The following GPHN variants were observed in gnomAD, a reference collection of about 807,000 sequenced individuals.
The protein encoded by GPHN is gephyrin.
Under a neutral mutation model 95.5 loss-of-function variants are expected in GPHN, and 17 were observed. That is an observed-to-expected ratio of 0.18 (90% CI 0.12 to 0.27). GPHN has a LOEUF of 0.27. GPHN is among the 10% of genes least tolerant of loss of function. The pLI is 1.00. For synonymous variants in GPHN, 320 were observed against 322.5 expected, an observed-to-expected ratio of 0.99 and a Z score of 0.08; for missense variants, 660 against 978.1, an observed-to-expected ratio of 0.67 and a Z score of 4.34.
At chr14:66,596,238 A>G (rs1206626685) in intron 1 of GPHN, among the ~76,000 whole-genome samples, 2 of 152,050 alleles carry the variant, frequency 1.3e-5, no homozygotes, top group Non-Finnish European at 2.9e-5. Flanking sequence ...TGATTGGTCC[A>G]TGGAAAGCCA....
chr14:66,974,761 T>C (rs2070099010), intron 9 of GPHN, among the ~76,000 whole-genome samples: 1 of 152,166 alleles, frequency 6.6e-6, no homozygotes, highest in African/African-American at 2.4e-5. Context: ...TTCTCTTATG[T>C]TTTTCTATGC....
the GPHN span, chr14:67,729,200 T>G: frequency 6.2e-7 from 1 of 1,612,634 alleles, no homozygotes; most frequent in Non-Finnish European, 8.5e-7. Flanking sequence ...GGCACCGGGG[T>G]CACCACCTAC....
intron 2 of GPHN, among the ~76,000 whole-genome samples, chr14:66,688,099 A>G (rs1429718982): frequency 2.0e-5 from 3 of 152,254 alleles, no homozygotes; most frequent in Non-Finnish European, 2.9e-5. Context: ...TACGTATTAC[A>G]TACTGTATTC....
At chr14:66,586,324 G>C (rs1443152270) in intron 1 of GPHN, among the ~76,000 whole-genome samples, 1 of 152,120 alleles carries the variant, frequency 6.6e-6, no homozygotes, top group African/African-American at 2.4e-5. Context: ...ACACTGATGG[G>C]TCTTGACTCT....
intron 1 of GPHN, among the ~76,000 whole-genome samples, chr14:66,610,526 G>A (rs1454168623): frequency 6.6e-6 from 1 of 152,088 alleles, no homozygotes; most frequent in Non-Finnish European, 1.5e-5. Flanking sequence ...CTTCCTGGCT[G>A]TGTCTAGTCA....
chr14:67,458,268 G>A, the GPHN span, among the ~76,000 whole-genome samples: 5 of 152,290 alleles, frequency 3.3e-5, no homozygotes, highest in African/African-American at 9.6e-5. Context: ...GCTGGAGTGT[G>A]GGGTGAGGAG....
the GPHN span, among the ~76,000 whole-genome samples, chr14:67,282,876 A>G: frequency 2.0e-4 from 31 of 152,218 alleles, no homozygotes; most frequent in South Asian, 1.0e-3. Context: ...TAATTTTCAT[A>G]TATTTCTATA....
the GPHN span, chr14:67,584,002 G>T: frequency 6.2e-7 from 1 of 1,613,986 alleles, no homozygotes; most frequent in East Asian, 2.2e-5. Context: ...CAGGCACCTG[G>T]CAGATATGTT....
At chr14:67,363,894 T>C in the GPHN span, 5 of 152,184 alleles carry the variant, frequency 3.3e-5, no homozygotes, top group Admixed American at 6.5e-5. Flanking sequence ...TCATCAGCCA[T>C]GATTAGTTTG....
intron 16 of GPHN, among the ~76,000 whole-genome samples, chr14:67,120,934 A>G (rs899602438): frequency 6.6e-6 from 1 of 152,186 alleles, no homozygotes; most frequent in African/African-American, 2.4e-5. Context: ...GTAAGGGGAC[A>G]GTTGGTTGCA....
At chr14:66,524,516 A>G (rs1178721493) in intron 1 of GPHN, among the ~76,000 whole-genome samples, 1 of 152,128 alleles carries the variant, frequency 6.6e-6, no homozygotes, top group Non-Finnish European at 1.5e-5. Context: ...TTATTATTAT[A>G]CTTTAAGTTC....
chr14:66,992,090 A>G (rs2071471299), intron 9 of GPHN, among the ~76,000 whole-genome samples: 1 of 152,092 alleles, frequency 6.6e-6, no homozygotes, highest in Admixed American at 6.6e-5. Flanking sequence ...GAAAGGAATG[A>G]AAATACTCAT....
chr14:67,380,306 C>A, the GPHN span, among the ~76,000 whole-genome samples: 1 of 151,896 alleles, frequency 6.6e-6, no homozygotes, highest in Non-Finnish European at 1.5e-5. Context: ...TGTACTGTTA[C>A]ATTTAAAAGT....
At chr14:66,964,976 A>G (rs1036550685) in intron 8 of GPHN, among the ~76,000 whole-genome samples, 1 of 152,170 alleles carries the variant, frequency 6.6e-6, no homozygotes, top group Admixed American at 6.5e-5. Context: ...CTCTCATATT[A>G]AAAAGTTTTA....
At chr14:67,412,486 A>AT in the GPHN span, among the ~76,000 whole-genome samples, 1 of 152,110 alleles carries the variant, frequency 6.6e-6, no homozygotes, top group African/African-American at 2.4e-5. Flanking sequence ...TCCTGAGCTC[A>AT]TTGCAAGTAG....
chr14:67,400,387 A>G, the GPHN span, among the ~76,000 whole-genome samples: 13 of 152,172 alleles, frequency 8.5e-5, no homozygotes, highest in Non-Finnish European at 1.8e-4. Flanking sequence ...GGGCATTGAG[A>G]GTTTTACCTG....
chr14:67,190,701 A>C, the GPHN span, among the ~76,000 whole-genome samples: 1 of 152,162 alleles, frequency 6.6e-6, no homozygotes, highest in South Asian at 2.1e-4. Flanking sequence ...GGGCATGGGG[A>C]TATCATTTTC....
chr14:66,894,092 CA>C (rs1445108495), intron 5 of GPHN, among the ~76,000 whole-genome samples: 4 of 152,212 alleles, frequency 2.6e-5, no homozygotes, highest in Admixed American at 2.0e-4. Flanking sequence ...GGAGGCCTCA[CA>C]CTACCAGACT....
At chr14:67,065,802 C>T (rs920610864) in intron 11 of GPHN, among the ~76,000 whole-genome samples, 4 of 144,404 alleles carry the variant, frequency 2.8e-5, no homozygotes, top group Non-Finnish European at 6.0e-5. Flanking sequence ...AGATCTTCCT[C>T]CATCCCTTTA....
Sources: gnomAD v4.1 joint callset for allele counts (sites outside exome capture counted in the v4.1 genomes callset) on GRCh38, gnomAD v4.1.1 for gene constraint, MANE v1.5 for transcripts, NCBI Gene and HGNC (gene_info 2026-07-23, HGNC 2026-07-21) for gene names.